COL25A1: variants seen among roughly 807,000 people sequenced by gnomAD.
The protein encoded by COL25A1 is collagen alpha-1(XXV) chain.
A neutral mutation model predicts 128.4 loss-of-function variants in COL25A1; 103 were observed. The ratio of observed to expected loss-of-function variants is 0.80; its 90% CI spans 0.68 to 0.94. The LOEUF (loss-of-function observed/expected upper bound fraction) is 0.94. Ranked by LOEUF, COL25A1 falls within the 40% of genes least tolerant of loss-of-function variation. The pLI is 0.00. For missense variants in COL25A1, 745 were observed against 840.0 expected (o/e 0.89, Z 1.40); for synonymous variants, 279 against 277.2 (o/e 1.01, Z -0.06).
intron 3 of COL25A1, among the ~76,000 whole-genome samples, chr4:109,268,612 C>A (rs983345601): frequency 6.6e-6 from 1 of 152,148 alleles, no homozygotes; most frequent in Non-Finnish European, 1.5e-5. Context: ...AAGACACGTG[C>A]AAATTTAAAA....
At position 108,918,297 on chromosome 4, in the gene COL25A1, A is replaced by G. The variant is rs192718130; in HGVS notation, c.736-81T>C. On this transcript the variant is annotated intron_variant, in intron 12 of 37. Transcript: ENST00000399132. ...TAAATTTATATTGTATTAGTTATGT[A>G]AGCCTTGCTAAAACATTTCTAGGAA... 8.0e-5 allele frequency: 80 copies of G among 1,004,990 alleles called. No homozygotes were observed. In the African/African-American group the frequency reaches 1.1e-3, roughly 13 times the overall value. The allele number at this position is 1,004,990 out of a possible 1,614,324, so 62.3% of individuals were successfully genotyped here. A position where few individuals can be genotyped will look rare whatever the true frequency, so the allele number is the denominator to read the frequency against.
intron 3 of COL25A1, among the ~76,000 whole-genome samples, chr4:109,054,286 A>G (rs114506232): frequency 0.011 from 1,643 of 152,316 alleles, 30 homozygotes; most frequent in African/African-American, 0.038. Context: ...TTAAAAACCT[A>G]TGGATTTTTC....
chr4:109,214,263 A>T (rs1777811936), intron 3 of COL25A1, among the ~76,000 whole-genome samples: 1 of 152,168 alleles, frequency 6.6e-6, no homozygotes, highest in Non-Finnish European at 1.5e-5. Flanking sequence ...AACTTCATAA[A>T]ATCAATTAGG....
At chr4:108,987,423 T>TGGA (rs1753760527) in intron 6 of COL25A1, among the ~76,000 whole-genome samples, 1 of 151,694 alleles carries the variant, frequency 6.6e-6, no homozygotes, top group Non-Finnish European at 1.5e-5. Flanking sequence ...TCGCCCAGGC[T>TGGA]GGAGTGCAGT....
At chr4:108,985,304 T>C (rs1405994290) in intron 6 of COL25A1, among the ~76,000 whole-genome samples, 1 of 152,200 alleles carries the variant, frequency 6.6e-6, no homozygotes, top group Non-Finnish European at 1.5e-5. Flanking sequence ...ATCATTCCCA[T>C]TACCTTGGAT....
intron 35 of COL25A1, chr4:108,819,723 C>T (rs1166865512): frequency 3.5e-6 from 2 of 573,436 alleles, no homozygotes; most frequent in Non-Finnish European, 5.2e-6. Context: ...AATCAGAAAC[C>T]CTCCTGTTAC....
At chr4:109,246,223 A>C (rs1158059981) in intron 3 of COL25A1, among the ~76,000 whole-genome samples, 1 of 152,154 alleles carries the variant, frequency 6.6e-6, no homozygotes, top group African/African-American at 2.4e-5. Flanking sequence ...ATTGTCCTCA[A>C]GGTATTACAT....
intron 10 of COL25A1, among the ~76,000 whole-genome samples, chr4:108,939,306 C>A (rs1057393456): frequency 6.6e-6 from 1 of 152,214 alleles, no homozygotes; most frequent in Non-Finnish European, 1.5e-5. Context: ...AAGACAGTTA[C>A]AGAATTCAAC....
chr4:109,067,503 T>C (rs1025275768), intron 3 of COL25A1, among the ~76,000 whole-genome samples: 2 of 152,216 alleles, frequency 1.3e-5, no homozygotes, highest in African/African-American at 4.8e-5. Context: ...TTAAAAATAT[T>C]TCCATTGGAC....
chr4:109,219,129 C>A lies in COL25A1; in HGVS notation c.367+81454G>T, dbSNP rs145707827. The stretch of plus-strand genomic sequence containing the variant: ...TCTATGATCCTCACTTGGAATTCTG[C>A]AAGCATAAAAGCAAGTAAGTCAGTC... On this transcript the variant is annotated intron_variant, in intron 3 of 37. Transcript: ENST00000399132. 5.9e-3 allele frequency among the ~76,000 whole-genome samples: 905 copies of A among 152,222 alleles called. 9 individuals carry two copies. The highest frequency in any genetic ancestry group is 0.02 in the African/African-American group (833 of 41,560).
chr4:109,013,606 G>C (rs939064540), intron 5 of COL25A1, among the ~76,000 whole-genome samples: 4 of 151,688 alleles, frequency 2.6e-5, no homozygotes, highest in African/African-American at 9.7e-5. Flanking sequence ...CTTCACTCCT[G>C]AGGCCAGCGA....
At chr4:108,855,191 GTT>G (rs35873529) in intron 24 of COL25A1, among the ~76,000 whole-genome samples, 2 of 131,950 alleles carry the variant, frequency 1.5e-5, no homozygotes, top group African/African-American at 5.6e-5. Flanking sequence ...TGTTGTTACT[GTT>G]TTTTTTTTTT....
At chr4:109,098,298 C>A (rs17039816) in intron 3 of COL25A1, among the ~76,000 whole-genome samples, 35,091 of 151,958 alleles carry the variant, frequency 0.23, 5,220 homozygotes, top group African/African-American at 0.4. Context: ...CCTGGATAAT[C>A]GGACATGTAA....
rs150084379 is a variant in COL25A1 at position 108,912,672 on chromosome 4, T to C, written c.780+5500A>G. 9.7e-4 allele frequency among the ~76,000 whole-genome samples: 148 copies of C among 152,312 alleles called. 1 individual carries two copies. The highest frequency in any genetic ancestry group is 3.5e-3 in the African/African-American group (145 of 41,590). On this transcript the variant is annotated intron_variant, in intron 13 of 37. Coordinates refer to ENST00000399132, the MANE Select transcript of COL25A1 (RefSeq NM_198721.4). ...TAAATAACAAAAAAACTGTGTTTAG[T>C]GTTTATAGTAAGTGAATGGGGGATA... is the stretch of plus-strand genomic sequence containing the variant.
chr4:108,944,412 C>T (rs1021984395), intron 8 of COL25A1, among the ~76,000 whole-genome samples: 1 of 152,076 alleles, frequency 6.6e-6, no homozygotes, highest in Admixed American at 6.6e-5. Context: ...CTATATTACA[C>T]AGTCAGAATT....
chr4:108,868,659 G>A (rs1271568364), intron 20 of COL25A1, among the ~76,000 whole-genome samples: 1 of 140,220 alleles, frequency 7.1e-6, no homozygotes, highest in African/African-American at 2.7e-5. Context: ...AGGGAAAGAA[G>A]GAAAGGAAGG....
intron 3 of COL25A1, among the ~76,000 whole-genome samples, chr4:109,111,245 C>T (rs1274395510): frequency 6.6e-6 from 1 of 152,208 alleles, no homozygotes; most frequent in African/African-American, 2.4e-5. Context: ...GACAGCTTTA[C>T]AACAACTGTG....
chr4:108,982,265 G>C (rs1753059007), intron 6 of COL25A1, among the ~76,000 whole-genome samples: 1 of 152,100 alleles, frequency 6.6e-6, no homozygotes, highest in Non-Finnish European at 1.5e-5. Flanking sequence ...AAAATGCCTT[G>C]GGAAATGTCC....
chr4:109,145,192 C>T (rs550122909), intron 3 of COL25A1, among the ~76,000 whole-genome samples: 6 of 151,886 alleles, frequency 4.0e-5, no homozygotes, highest in East Asian at 2.0e-4. Context: ...CTCAGCCTCC[C>T]GAGTAGCTGG....
Sources: allele counts gnomAD v4.1 joint callset (sites outside exome capture counted in the v4.1 genomes callset), GRCh38; gene constraint gnomAD v4.1.1; transcripts MANE v1.5; gene names NCBI Gene and HGNC (gene_info 2026-07-23, HGNC 2026-07-21).